ANKS1B: variants seen among roughly 807,000 people sequenced by gnomAD.
ANKS1B encodes the protein ankyrin repeat and sterile alpha motif domain containing 1B, also known as ankyrin repeat and sterile alpha motif domain-containing protein 1B.
In ANKS1B, 36 loss-of-function variants were observed where a neutral mutation model predicts 148.3. That is an observed-to-expected ratio of 0.24 (90% CI 0.19 to 0.32). The LOEUF is 0.32. ANKS1B is among the 10% of genes least tolerant of loss of function. The probability of loss-of-function intolerance (pLI) is 1.00; values close to 1 mark genes in which losing one functional copy is unlikely to be tolerated. For synonymous variants in ANKS1B, 542 were observed against 560.8 expected, an observed-to-expected ratio of 0.97 and a Z score of 0.47; for missense variants, 1,157 against 1,542.6, an observed-to-expected ratio of 0.75 and a Z score of 4.19.
At chr12:99,149,294 T>C (rs2074193825) in intron 15 of ANKS1B, among the ~76,000 whole-genome samples, 1 of 152,148 alleles carries the variant, frequency 6.6e-6, no homozygotes, top group South Asian at 2.1e-4. Context: ...AAAGTTTTAA[T>C]GAAATACGTA....
At chr12:99,727,975 T>C (rs1600775941) in intron 8 of ANKS1B, among the ~76,000 whole-genome samples, 1 of 151,780 alleles carries the variant, frequency 6.6e-6, no homozygotes. Flanking sequence ...CTTATACCTT[T>C]TACAGAAATT....
intron 12 of ANKS1B, among the ~76,000 whole-genome samples, chr12:99,340,387 C>T (rs990533189): frequency 6.6e-6 from 1 of 152,026 alleles, no homozygotes; most frequent in African/African-American, 2.4e-5. Context: ...CCTCAGTTTG[C>T]AATATTGTAT....
chr12:99,944,426 C>T (rs922897816), intron 1 of ANKS1B, among the ~76,000 whole-genome samples: 7 of 152,184 alleles, frequency 4.6e-5, no homozygotes, highest in Admixed American at 6.5e-5. Flanking sequence ...TCAGGGTTCC[C>T]ATGAAAATCA....
intron 12 of ANKS1B, among the ~76,000 whole-genome samples, chr12:99,336,948 C>T (rs370897941): frequency 6.6e-6 from 1 of 151,984 alleles, no homozygotes; most frequent in African/African-American, 2.4e-5. Context: ...TTACATTTGG[C>T]CTTTGGGAGT....
intron 9 of ANKS1B, among the ~76,000 whole-genome samples, chr12:99,582,839 T>TA (rs911553523): frequency 5.3e-4 from 80 of 152,024 alleles, no homozygotes; most frequent in Middle Eastern, 6.8e-3. Context: ...GACATGTCAA[T>TA]AAAAAAAATC....
chr12:99,325,520 A>T (rs184709430), intron 12 of ANKS1B, among the ~76,000 whole-genome samples: 1 of 152,248 alleles, frequency 6.6e-6, no homozygotes, highest in East Asian at 1.9e-4. Flanking sequence ...CTAACTGAAG[A>T]GGGTCAACGA....
At chr12:98,836,513 A>G (rs1482907978) in intron 17 of ANKS1B, among the ~76,000 whole-genome samples, 1 of 152,198 alleles carries the variant, frequency 6.6e-6, no homozygotes, top group African/African-American at 2.4e-5. Flanking sequence ...AATATTCCAA[A>G]GAAAGATGGT....
At chr12:99,489,861 T>C (rs942575895) in intron 10 of ANKS1B, among the ~76,000 whole-genome samples, 1 of 152,224 alleles carries the variant, frequency 6.6e-6, no homozygotes, top group Non-Finnish European at 1.5e-5. Flanking sequence ...AATTGAATGG[T>C]TCTATGGAAA....
chr12:99,981,192 A>G (rs1211244882), intron 1 of ANKS1B, among the ~76,000 whole-genome samples: 1 of 152,066 alleles, frequency 6.6e-6, no homozygotes, highest in Non-Finnish European at 1.5e-5. Context: ...ATTACTTTAT[A>G]CTTCATTTAA....
At chr12:99,962,805 T>C (rs1262217067) in intron 1 of ANKS1B, among the ~76,000 whole-genome samples, 2 of 151,614 alleles carry the variant, frequency 1.3e-5, no homozygotes, top group East Asian at 1.9e-4. Flanking sequence ...ATCAGTGATG[T>C]TGAGCTTTTT....
intron 17 of ANKS1B, among the ~76,000 whole-genome samples, chr12:98,909,582 A>G (rs952672299): frequency 1.3e-5 from 2 of 152,252 alleles, no homozygotes; most frequent in Admixed American, 1.3e-4. Context: ...AAGCAGAAGG[A>G]TAAGATGAAT....
intron 17 of ANKS1B, among the ~76,000 whole-genome samples, chr12:98,853,740 A>C (rs1405562776): frequency 2.0e-5 from 3 of 152,220 alleles, no homozygotes; most frequent in African/African-American, 7.2e-5. Context: ...TTGTTTGGTT[A>C]TCTGTGCCTC....
intron 17 of ANKS1B, among the ~76,000 whole-genome samples, chr12:98,961,046 T>C (rs2099870521): frequency 6.6e-6 from 1 of 152,168 alleles, no homozygotes; most frequent in Non-Finnish European, 1.5e-5. Flanking sequence ...AGTGTAAGTG[T>C]TATTGGCCCT....
chr12:99,960,568 AG>A (rs767417875), intron 1 of ANKS1B, among the ~76,000 whole-genome samples: 5 of 152,178 alleles, frequency 3.3e-5, no homozygotes, highest in African/African-American at 4.8e-5. Context: ...GAAAAGAGGC[AG>A]GGAGTCTGGA....
intron 12 of ANKS1B, among the ~76,000 whole-genome samples, chr12:99,283,765 G>C (rs77878512): frequency 0.02 from 3,014 of 152,242 alleles, 103 homozygotes; most frequent in African/African-American, 0.069. Flanking sequence ...TGCACATGTA[G>C]TTTCTTTTAG....
intron 12 of ANKS1B, among the ~76,000 whole-genome samples, chr12:99,372,281 C>G (rs1210341538): frequency 1.3e-5 from 2 of 151,270 alleles, no homozygotes. Flanking sequence ...TGCTGTGAAC[C>G]TAAAAAGAAA....
chr12:99,780,643 A>T (rs964909686), intron 5 of ANKS1B, among the ~76,000 whole-genome samples: 16 of 152,144 alleles, frequency 1.1e-4, no homozygotes, highest in Non-Finnish European at 1.8e-4. Flanking sequence ...ACACTGAAAA[A>T]TATTATTGAT....
intron 11 of ANKS1B, among the ~76,000 whole-genome samples, chr12:99,422,191 C>T (rs1278663952): frequency 1.3e-5 from 2 of 152,196 alleles, no homozygotes; most frequent in Non-Finnish European, 2.9e-5. Context: ...TGCCCTGGTG[C>T]AATGGCATCA....
chr12:99,173,185 G>A (rs190259884), intron 14 of ANKS1B, among the ~76,000 whole-genome samples: 177 of 152,118 alleles, frequency 1.2e-3, no homozygotes, highest in Non-Finnish European at 1.6e-3. Flanking sequence ...TAACTGTTCC[G>A]AAATCTCATG....
Sources: allele counts gnomAD v4.1 joint callset (sites outside exome capture counted in the v4.1 genomes callset), GRCh38; gene constraint gnomAD v4.1.1; transcripts MANE v1.5; gene names NCBI Gene and HGNC (gene_info 2026-07-23, HGNC 2026-07-21).